SMAD2: variants seen among roughly 807,000 people sequenced by gnomAD.
SMAD2 encodes SMAD family member 2.
In SMAD2, 8 loss-of-function variants were observed where a neutral mutation model predicts 64.4. That is an observed-to-expected ratio of 0.12 (90% CI 0.07 to 0.22). The LOEUF (loss-of-function observed/expected upper bound fraction) is 0.22. Ranked by LOEUF, SMAD2 falls within the 10% of genes least tolerant of loss-of-function variation. The probability of loss-of-function intolerance (pLI) is 1.00; values close to 1 mark genes in which losing one functional copy is unlikely to be tolerated. For synonymous variants in SMAD2, 203 were observed against 195.8 expected (o/e 1.04, Z -0.31); for missense variants, 289 against 561.2 (o/e 0.51, Z 4.90).
intron 6 of SMAD2, among the ~76,000 whole-genome samples, chr18:47,859,223 C>G (rs2144344884): frequency 6.6e-6 from 1 of 152,166 alleles, no homozygotes; most frequent in South Asian, 2.1e-4. Context: ...AAGGCACAAA[C>G]AGATGACTCT....
intron 2 of SMAD2, among the ~76,000 whole-genome samples, chr18:47,893,440 C>T (rs1467096657): frequency 6.6e-6 from 1 of 152,160 alleles, no homozygotes; most frequent in African/African-American, 2.4e-5. Context: ...ATTTGTTTCC[C>T]GTTCTTCATC....
At chr18:47,869,492 A>G in intron 3 of SMAD2, 56 bp from the exon 4 acceptor site, 1 of 942,100 alleles carries the variant, frequency 1.1e-6, no homozygotes, top group Non-Finnish European at 1.6e-6. Flanking sequence ...AAAAAAAAAA[A>G]GTGCAGTCAA....
At chr18:47,902,244 C>G (rs562224053) in intron 1 of SMAD2, among the ~76,000 whole-genome samples, 1 of 152,268 alleles carries the variant, frequency 6.6e-6, no homozygotes, top group South Asian at 2.1e-4. Context: ...GGTATTCCCC[C>G]AGGGTGCAAA....
intron 10 of SMAD2, among the ~76,000 whole-genome samples, chr18:47,842,992 T>A (rs1180679373): frequency 6.6e-6 from 1 of 152,202 alleles, no homozygotes; most frequent in Non-Finnish European, 1.5e-5. Flanking sequence ...TTATCAACTC[T>A]TCATCTCCAA....
chr18:47,850,224 A>T (rs528213961), intron 7 of SMAD2, among the ~76,000 whole-genome samples: 1 of 55,740 alleles, frequency 1.8e-5, no homozygotes, highest in Non-Finnish European at 3.2e-5. Context: ...ATATATGTAT[A>T]ATATATATTA....
intron 5 of SMAD2, among the ~76,000 whole-genome samples, chr18:47,867,698 A>C (rs1598800969): frequency 1.3e-5 from 2 of 151,602 alleles, no homozygotes; most frequent in East Asian, 3.9e-4. Flanking sequence ...AAAAGGCCAG[A>C]TATCATATCG....
chr18:47,881,079 T>A (rs917495800), intron 2 of SMAD2, among the ~76,000 whole-genome samples: 3 of 107,334 alleles, frequency 2.8e-5, no homozygotes, highest in Admixed American at 2.2e-4. Flanking sequence ...ACAAAAGCTG[T>A]AAAACAGAAA....
Position 47,834,450 on chromosome 18 carries a change from C to T in SMAD2, c.*7377G>A. ...GGGAAAGTCCCGCATCCAGGGAAACCCTCAATCCCAGGCACTTTAGGGCAG... is the reference window on the plus strand; with the variant it reads ...GGGAAAGTCCCGCATCCAGGGAAACTCTCAATCCCAGGCACTTTAGGGCAG... On this transcript the variant is annotated 3_prime_UTR_variant, in exon 11 of 11. Transcript: ENST00000262160. The T allele has an allele frequency of 4.9e-6, 1 of 205,576 alleles. No individual in the cohort carries two copies. The highest frequency in any genetic ancestry group is 9.9e-6 in the Non-Finnish European group (1 of 100,514). 12.7% of individuals were successfully genotyped at this position (205,576 alleles called of 1,614,324 possible). A position where few individuals can be genotyped will look rare whatever the true frequency, so the allele number is the denominator to read the frequency against.
intron 2 of SMAD2, among the ~76,000 whole-genome samples, chr18:47,879,752 A>T (rs1014325780): frequency 4.6e-5 from 7 of 152,168 alleles, no homozygotes; most frequent in African/African-American, 1.7e-4. Context: ...CTTTTCAATA[A>T]ATTGCCAGAT....
In SMAD2 at chr18:47,814,300, C is replaced by T. The variant is rs1912299791; in HGVS notation, c.*27527G>A. On this transcript the variant is annotated 3_prime_UTR_variant, in exon 11 of 11. Coordinates refer to ENST00000262160, the MANE Select transcript of SMAD2 (RefSeq NM_005901.6). ...CTCAGCTGTGAATCTCAGAGCCTGC[C>T]TTTATTATCTTGATTATTCTTTGGC... 1 of 152,108 alleles carries T rather than the reference C, an allele frequency of 6.6e-6. No homozygotes were observed. Among genetic ancestry groups the T allele is most frequent in the Admixed American group, 6.5e-5 (1 of 15,274 alleles). 9.4% of individuals were successfully genotyped at this position (152,108 alleles called of 1,614,324 possible). A position where few individuals can be genotyped will look rare whatever the true frequency, so the allele number is the denominator to read the frequency against.
chr18:47,899,141 G>A (rs1041068269), intron 1 of SMAD2, among the ~76,000 whole-genome samples: 1 of 152,116 alleles, frequency 6.6e-6, no homozygotes, highest in Non-Finnish European at 1.5e-5. Context: ...AGTTGATTAA[G>A]AAAAAGTTAC....
At chr18:47,901,906 T>G (rs1416792121) in intron 1 of SMAD2, among the ~76,000 whole-genome samples, 1 of 152,206 alleles carries the variant, frequency 6.6e-6, no homozygotes. Context: ...GGGAAGAAAC[T>G]GGGTGTGTTG....
At chr18:47,860,831 A>G (rs1284011559) in intron 6 of SMAD2, among the ~76,000 whole-genome samples, 1 of 152,180 alleles carries the variant, frequency 6.6e-6, no homozygotes, top group Admixed American at 6.5e-5. Flanking sequence ...TTCAACAGCC[A>G]TTTATAAAAC....
intron 6 of SMAD2, among the ~76,000 whole-genome samples, chr18:47,862,498 T>C (rs1463990974): frequency 6.6e-6 from 1 of 152,192 alleles, no homozygotes; most frequent in South Asian, 2.1e-4. Context: ...AGGTGCTAAC[T>C]CCAGTTACCT....
At chr18:47,908,215 T>C (rs1182230003) in intron 1 of SMAD2, among the ~76,000 whole-genome samples, 1 of 152,176 alleles carries the variant, frequency 6.6e-6, no homozygotes, top group African/African-American at 2.4e-5. Flanking sequence ...AGGCAAATGT[T>C]CGTGGATGGA....
In SMAD2 at chr18:47,826,094, A is replaced by G. The variant is rs1301352740; in HGVS notation, c.*15733T>C. The G allele has an allele frequency of 2.0e-5, 3 of 152,222 alleles. No homozygotes were observed. The highest frequency in any genetic ancestry group is 7.2e-5 in the African/African-American group (3 of 41,458). The allele number at this position is 152,222 out of a possible 1,614,324, so 9.4% of individuals were successfully genotyped here. A position where few individuals can be genotyped will look rare whatever the true frequency, so the allele number is the denominator to read the frequency against. The stretch of plus-strand genomic sequence containing the variant: ...GTGATAATGGCCAGGAGCAACCACA[A>G]TGATTAACCTTTAGATAGAAAACAC... On this transcript the variant is annotated 3_prime_UTR_variant, in exon 11 of 11. Transcript: ENST00000262160.
At chr18:47,885,611 C>T (rs2032861284) in intron 2 of SMAD2, among the ~76,000 whole-genome samples, 1 of 152,072 alleles carries the variant, frequency 6.6e-6, no homozygotes. Flanking sequence ...TATGTGGGCT[C>T]CACATCCATG....
chr18:47,874,477 A>T (rs1403148407), intron 2 of SMAD2, among the ~76,000 whole-genome samples: 1 of 152,210 alleles, frequency 6.6e-6, no homozygotes, highest in Non-Finnish European at 1.5e-5. Context: ...TGGTATATGC[A>T]TTTGTTGAAT....
rs765857326 is a variant in SMAD2, at chr18:47,869,329, G to A, written c.434C>T (p.Ala145Val). The A allele has an allele frequency of 6.2e-7, 1 of 1,613,338 alleles. No individual in the cohort carries two copies. Among genetic ancestry groups the A allele is most frequent in the Non-Finnish European group, 8.5e-7 (1 of 1,179,462 alleles). Residue 145 changes from alanine (A) to valine (V), a missense_variant, in exon 4 of 11, where the codon GCA becomes GTA. Transcript: ENST00000262160. ...PDLHSHHELK[A>V]IENCEYAFNL... ...AAAAGCATATTCGCAGTTTTCAATT[G>A]CCTTGAGTTCATGATGACTGTGAAG...
Sources: allele counts gnomAD v4.1 joint callset (sites outside exome capture counted in the v4.1 genomes callset), GRCh38; gene constraint gnomAD v4.1.1; transcripts MANE v1.5; gene names NCBI Gene and HGNC (gene_info 2026-07-23, HGNC 2026-07-21).